The following TJP1 variants were observed in gnomAD, a reference collection of about 807,000 sequenced individuals.
TJP1 encodes the protein tight junction protein 1.
A neutral mutation model predicts 194.2 loss-of-function variants in TJP1; 43 were observed. The ratio of observed to expected loss-of-function variants is 0.22; its 90% CI spans 0.17 to 0.29. TJP1 has a LOEUF of 0.29. Among genes scored for constraint, TJP1 ranks in the 10% least tolerant of loss-of-function variants. TJP1 has a pLI of 1.00. For synonymous variants in TJP1, 801 were observed against 779.0 expected (o/e 1.03, Z -0.47); for missense variants, 1,971 against 2,185.7 (o/e 0.90, Z 1.96).
At chr15:29,708,305 C>T (rs2042028186) in intron 25 of TJP1, among the ~76,000 whole-genome samples, 1 of 152,050 alleles carries the variant, frequency 6.6e-6, no homozygotes, top group Admixed American at 6.6e-5. Context: ...TACTGTCACT[C>T]AACCTCAGTT....
chr15:29,843,780 A>T lies in TJP1; in HGVS notation c.307-43078T>A, dbSNP rs2051313235. ...TGTGGGGAAGGCAGGGGACGGCTCA[A>T]TCTATGGATTCAGGAAGGGTGTGGT... On this transcript the variant is annotated intron_variant, in intron 2 of 28. Transcript: ENST00000356107. 1.3e-5 allele frequency among the ~76,000 whole-genome samples: 2 copies of T among 152,162 alleles called. 1 individual carries two copies. Among genetic ancestry groups the T allele is most frequent in the African/African-American group, 4.8e-5 (2 of 41,440 alleles).
intron 2 of TJP1, among the ~76,000 whole-genome samples, chr15:29,779,147 T>C (rs937168342): frequency 1.3e-5 from 2 of 152,180 alleles, no homozygotes; most frequent in Admixed American, 1.3e-4. Context: ...CAGGAACCAG[T>C]TGGCAGCTCT....
chr15:29,790,967 T>C (rs1176541848), intron 2 of TJP1, among the ~76,000 whole-genome samples: 2 of 152,162 alleles, frequency 1.3e-5, no homozygotes, highest in African/African-American at 2.4e-5. Flanking sequence ...GTTGATACTA[T>C]AACTTGGCTA....
chr15:29,734,484 A>G, intron 11 of TJP1, 102 bp from the exon 12 acceptor site: 1 of 842,972 alleles, frequency 1.2e-6, no homozygotes, highest in Non-Finnish European at 1.7e-6. Context: ...TGAAAATATC[A>G]CATCTTTTTT....
intron 2 of TJP1, among the ~76,000 whole-genome samples, chr15:29,947,423 T>C (rs2055322297): frequency 6.6e-6 from 1 of 152,134 alleles, no homozygotes. Context: ...CAACTATAAT[T>C]TAACCTATTT....
chr15:29,968,419 G>C (rs1194504628), intron 1 of TJP1: 4 of 984,474 alleles, frequency 4.1e-6, no homozygotes, highest in African/African-American at 1.7e-5. Context: ...GTCGCCCTAC[G>C]CGCCGCGGGC....
intron 10 of TJP1, among the ~76,000 whole-genome samples, chr15:29,739,010 C>T (rs143028707): frequency 6.6e-6 from 1 of 151,820 alleles, no homozygotes; most frequent in African/African-American, 2.4e-5. Flanking sequence ...CACCATTATA[C>T]TCTAGCCTGG....
intron 2 of TJP1, among the ~76,000 whole-genome samples, chr15:29,906,392 G>T (rs1426871386): frequency 1.3e-5 from 2 of 151,470 alleles, no homozygotes; most frequent in Non-Finnish European, 2.9e-5. Flanking sequence ...AGAATTGCTT[G>T]AACCCAGGAA....
chr15:29,924,096 C>G (rs574059381), intron 2 of TJP1, among the ~76,000 whole-genome samples: 1 of 152,158 alleles, frequency 6.6e-6, no homozygotes, highest in Admixed American at 6.5e-5. Context: ...TAAGGAAATA[C>G]AAAAACTAAA....
At chr15:29,932,224 A>G (rs1417700041) in intron 2 of TJP1, among the ~76,000 whole-genome samples, 2 of 152,212 alleles carry the variant, frequency 1.3e-5, no homozygotes, top group African/African-American at 4.8e-5. Flanking sequence ...CGTCTCTGAC[A>G]ATACCAGCTT....
intron 2 of TJP1, among the ~76,000 whole-genome samples, chr15:29,947,278 A>T (rs2055318178): frequency 6.6e-6 from 1 of 152,166 alleles, no homozygotes; most frequent in Non-Finnish European, 1.5e-5. Flanking sequence ...TGGCAAACCG[A>T]TTTATCTGAA....
chr15:29,729,601 C>T (rs147892002), intron 15 of TJP1: 2,075 of 151,872 alleles, frequency 0.014, 56 homozygotes, highest in East Asian at 0.097. Context: ...GGGCAGATCA[C>T]GAGGTCAGGA....
chr15:29,733,033 T>C (rs1176290876), intron 13 of TJP1, 61 bp downstream of exon 13: 5 of 1,531,442 alleles, frequency 3.3e-6, no homozygotes, highest in Non-Finnish European at 3.6e-6. Flanking sequence ...CCCAGTGGGA[T>C]TGAAATGATC....
chr15:29,717,080 C>T (rs1397230307), intron 22 of TJP1, among the ~76,000 whole-genome samples: 4 of 152,010 alleles, frequency 2.6e-5, no homozygotes, highest in East Asian at 3.9e-4. Flanking sequence ...ATAAGCTAAA[C>T]GATTACATGA....
chr15:29,732,412 G>A (rs1233138969), intron 15 of TJP1, 21 bp downstream of exon 15: 2 of 1,603,486 alleles, frequency 1.2e-6, no homozygotes, highest in Admixed American at 1.7e-5. Flanking sequence ...CCTCATTTAA[G>A]TTAGCCTTGA....
Position 29,772,199 on chromosome 15 carries a change from G to C in TJP1, c.210-33C>G, listed in dbSNP as rs1283836225. On this transcript the variant is annotated intron_variant, in intron 3 of 27. Coordinates refer to ENST00000614355, the MANE Select transcript of TJP1 (RefSeq NM_001330239.4). The stretch of plus-strand genomic sequence containing the variant: ...GAAAAGGGCACAAAATAATATGTTA[G>C]AGAAAAACATTCTGGTAAGTTTATG... 3.8e-6 allele frequency: 5 copies of C among 1,318,694 alleles called. No individual in the cohort carries two copies. The African/African-American group carries it at 4.5e-5, about 12-fold the overall frequency. The allele number at this position is 1,318,694 out of a possible 1,614,324, so 81.7% of individuals were successfully genotyped here.
Position 29,945,801 on chromosome 15 carries a change from G to A in TJP1, c.306+10431C>T, listed in dbSNP as rs28521195. Among the ~76,000 whole-genome samples the A allele has an allele frequency of 1.2e-3, 167 of 142,712 alleles. 1 individual carries two copies. The highest frequency in any genetic ancestry group is 2.0e-3 in the African/African-American group (77 of 37,868). 93.6% of individuals were successfully genotyped at this position (142,712 alleles called of 152,430 possible). ...AACACACACACACACACACACACACGCACACACACAGAAGGACACAGGTTA... is the reference window on the plus strand; with the variant it reads ...AACACACACACACACACACACACACACACACACACAGAAGGACACAGGTTA... On this transcript the variant is annotated intron_variant, in intron 2 of 28. Coordinates refer to the TJP1 transcript ENST00000356107.
intron 12 of TJP1, 36 bp downstream of exon 12, chr15:29,734,238 C>A (rs1724045241): frequency 7.0e-7 from 1 of 1,430,552 alleles, no homozygotes; most frequent in South Asian, 1.3e-5. Context: ...TCAAACTCTA[C>A]AGGTTTATCT....
chr15:29,833,079 G>C (rs1470751872), intron 2 of TJP1, among the ~76,000 whole-genome samples: 1 of 152,086 alleles, frequency 6.6e-6, no homozygotes, highest in East Asian at 1.9e-4. Context: ...GTTTTTGCTT[G>C]CAAATGTTGG....
Sources: allele counts gnomAD v4.1 joint callset (sites outside exome capture counted in the v4.1 genomes callset), GRCh38; gene constraint gnomAD v4.1.1; transcripts MANE v1.5; gene names NCBI Gene and HGNC (gene_info 2026-07-23, HGNC 2026-07-21).